The following MRPS28 variants were observed in gnomAD, a reference collection of about 807,000 sequenced individuals.
MRPS28 encodes small ribosomal subunit protein bS1m.
MRPS28 carries 7 observed loss-of-function variants against 10.8 expected under a neutral mutation model. The observed-to-expected ratio is 0.65, with a 90% CI of 0.37 to 1.22. The LOEUF (loss-of-function observed/expected upper bound fraction) is 1.22, where lower values mean the gene tolerates loss of function less well. MRPS28 is among the 50% of genes most tolerant of loss of function. The pLI is 0.02. For synonymous variants in MRPS28, 121 were observed against 93.3 expected, an observed-to-expected ratio of 1.30 and a Z score of -1.71; for missense variants, 265 against 232.9, an observed-to-expected ratio of 1.14 and a Z score of -0.90.
intron 2 of MRPS28, among the ~76,000 whole-genome samples, chr8:79,963,194 A>C (rs1415463439): frequency 1.3e-5 from 2 of 152,154 alleles, no homozygotes; most frequent in African/African-American, 4.8e-5. Context: ...GCTGGAGTCA[A>C]GGAAAAGCAC....
intron 1 of MRPS28, among the ~76,000 whole-genome samples, chr8:80,028,440 A>T (rs2130262354): frequency 6.6e-6 from 1 of 151,870 alleles, no homozygotes; most frequent in Admixed American, 6.6e-5. Flanking sequence ...GTATTTTATG[A>T]CTTCTCCATA....
chr8:79,953,557 A>T (rs1284117275), intron 2 of MRPS28, among the ~76,000 whole-genome samples: 1 of 152,192 alleles, frequency 6.6e-6, no homozygotes, highest in Non-Finnish European at 1.5e-5. Flanking sequence ...CATATACTAA[A>T]ATCAATTCCA....
intron 1 of MRPS28, among the ~76,000 whole-genome samples, chr8:80,003,719 G>C (rs184421628): frequency 2.0e-5 from 3 of 152,170 alleles, no homozygotes; most frequent in African/African-American, 7.2e-5. Context: ...CAAGGGGTCA[G>C]GGAATTCCCT....
At chr8:80,012,957 A>C (rs1192024684) in intron 1 of MRPS28, among the ~76,000 whole-genome samples, 1 of 152,228 alleles carries the variant, frequency 6.6e-6, no homozygotes, top group African/African-American at 2.4e-5. Context: ...CAAGTTTTAC[A>C]TGAGTACCAT....
At position 79,929,815 on chromosome 8, in the gene MRPS28, G is replaced by C. The variant is rs559254335; in HGVS notation, c.396-10667C>G. Among the ~76,000 whole-genome samples, 37 of 152,130 alleles carry C rather than the reference G, an allele frequency of 2.4e-4. No homozygotes were observed. The South Asian group carries it at 2.9e-3, about 12-fold the overall frequency. ...AATGGTGGAGTTTGAATTCAGTAAG[G>C]GTTGAATTAGATGACTTTCAAGATC... On this transcript the variant is annotated intron_variant, in intron 2 of 2. Coordinates refer to ENST00000276585, the MANE Select transcript of MRPS28 (RefSeq NM_014018.3).
chr8:79,924,665 CT>C (rs1810187193), intron 2 of MRPS28, among the ~76,000 whole-genome samples: 1 of 152,064 alleles, frequency 6.6e-6, no homozygotes, highest in Non-Finnish European at 1.5e-5. Context: ...ACTTTTAAGC[CT>C]TTTTATTAGC....
chr8:80,009,215 G>A (rs1586094137), intron 1 of MRPS28, among the ~76,000 whole-genome samples: 1 of 152,236 alleles, frequency 6.6e-6, no homozygotes, highest in South Asian at 2.1e-4. Flanking sequence ...TCATAGGTGG[G>A]AATTGAACAG....
intron 2 of MRPS28, among the ~76,000 whole-genome samples, chr8:79,921,574 T>A (rs1394487392): frequency 5.1e-4 from 78 of 152,244 alleles, no homozygotes; most frequent in African/African-American, 1.8e-3. Flanking sequence ...AGTTCACTCA[T>A]GATTTGGCTC....
chr8:79,944,383 G>A (rs1416613520), intron 2 of MRPS28, among the ~76,000 whole-genome samples: 1 of 152,146 alleles, frequency 6.6e-6, no homozygotes, highest in Non-Finnish European at 1.5e-5. Flanking sequence ...AGGACTAAAG[G>A]ATGGGCTTTC....
chr8:80,004,516 T>C (rs1808769101), intron 1 of MRPS28, among the ~76,000 whole-genome samples: 1 of 152,038 alleles, frequency 6.6e-6, no homozygotes, highest in Non-Finnish European at 1.5e-5. Flanking sequence ...CAAAGGTAGA[T>C]AAAACAACAA....
intron 2 of MRPS28, among the ~76,000 whole-genome samples, chr8:79,965,847 C>T (rs6988730): frequency 0.74 from 112,364 of 151,924 alleles, 41,785 homozygotes; most frequent in East Asian, 0.84. Context: ...TCCACAGTAT[C>T]GGTCAATTAA....
At chr8:79,941,006 CT>C (rs1286877677) in intron 2 of MRPS28, among the ~76,000 whole-genome samples, 5 of 152,138 alleles carry the variant, frequency 3.3e-5, no homozygotes, top group African/African-American at 1.2e-4. Context: ...AATAGACAAA[CT>C]AGTGATATAA....
At chr8:80,018,169 T>C (rs1809250272) in intron 1 of MRPS28, among the ~76,000 whole-genome samples, 2 of 151,740 alleles carry the variant, frequency 1.3e-5, no homozygotes, top group Admixed American at 1.3e-4. Context: ...GGCAGGCGCC[T>C]GTAGTCCCAG....
chr8:79,996,537 CT>C (rs1808505901), intron 2 of MRPS28, among the ~76,000 whole-genome samples: 1 of 152,172 alleles, frequency 6.6e-6, no homozygotes, highest in Non-Finnish European at 1.5e-5. Flanking sequence ...GATTAACTAA[CT>C]AGCCAGTTCA....
At chr8:80,012,640 T>C (rs535246417) in intron 1 of MRPS28, among the ~76,000 whole-genome samples, 16 of 152,328 alleles carry the variant, frequency 1.1e-4, no homozygotes, top group Non-Finnish European at 2.1e-4. Flanking sequence ...CTATTTCCTT[T>C]AACAGTTGGT....
At chr8:79,919,624 G>A (rs1340967400) in intron 2 of MRPS28, among the ~76,000 whole-genome samples, 1 of 152,142 alleles carries the variant, frequency 6.6e-6, no homozygotes, top group South Asian at 2.1e-4. Context: ...GTGAGTCACT[G>A]CCAGCTCTAG....
At chr8:79,934,752 A>C (rs968575748) in intron 2 of MRPS28, among the ~76,000 whole-genome samples, 5 of 152,242 alleles carry the variant, frequency 3.3e-5, no homozygotes, top group African/African-American at 1.2e-4. Flanking sequence ...AAAGCATGTA[A>C]ATCAGCACTT....
At chr8:79,923,815 A>G (rs1810158945) in intron 2 of MRPS28, among the ~76,000 whole-genome samples, 1 of 152,170 alleles carries the variant, frequency 6.6e-6, no homozygotes, top group Admixed American at 6.6e-5. Flanking sequence ...TTCTCAGGCC[A>G]TATGCTGCAG....
intron 2 of MRPS28, among the ~76,000 whole-genome samples, chr8:79,929,352 C>T (rs1806398039): frequency 6.6e-6 from 1 of 152,128 alleles, no homozygotes; most frequent in Admixed American, 6.6e-5. Flanking sequence ...TCTCAATCTC[C>T]TTTCACTTTT....
Sources: gnomAD v4.1 joint callset for allele counts (sites outside exome capture counted in the v4.1 genomes callset) on GRCh38, gnomAD v4.1.1 for gene constraint, MANE v1.5 for transcripts, NCBI Gene and HGNC (gene_info 2026-07-23, HGNC 2026-07-21) for gene names.